PRKD1: variants seen among roughly 807,000 people sequenced by gnomAD.
The protein encoded by PRKD1 is serine/threonine-protein kinase D1.
PRKD1 carries 63 observed loss-of-function variants against 95.9 expected under a neutral mutation model. The ratio of observed to expected loss-of-function variants is 0.66; its 90% confidence interval spans 0.54 to 0.81. The LOEUF is 0.81. Ranked by LOEUF, PRKD1 falls within the 30% of genes least tolerant of loss-of-function variation. The pLI, the probability that PRKD1 is intolerant of heterozygous loss-of-function variation, is 0.00. For synonymous variants in PRKD1, 425 were observed against 423.1 expected (o/e 1.00, Z -0.05); for missense variants, 1,048 against 1,165.3 (o/e 0.90, Z 1.47).
rs149503484 is a variant in PRKD1 at position 29,780,695 on chromosome 14, T to G, written c.265-55021A>C. Among the ~76,000 whole-genome samples, 4 of 152,340 alleles carry G rather than the reference T, an allele frequency of 2.6e-5. No individual in the cohort carries two copies. In the East Asian group the frequency reaches 7.7e-4, roughly 29 times the overall value. On this transcript the variant is annotated intron_variant, in intron 1 of 17. Transcript: ENST00000331968. ...AACACTTTTACATTGTTGGTGGGAC[T>G]GTAAACTAGTTCAACCATCGTGGAA...
chr14:29,823,618 A>G (rs1364155245), intron 1 of PRKD1, among the ~76,000 whole-genome samples: 2 of 152,188 alleles, frequency 1.3e-5, no homozygotes, highest in Admixed American at 6.5e-5. Flanking sequence ...CACTGTCCTC[A>G]TTATACAACC....
At chr14:29,727,940 C>T (rs981376904) in intron 1 of PRKD1, among the ~76,000 whole-genome samples, 1 of 150,606 alleles carries the variant, frequency 6.6e-6, no homozygotes, top group Non-Finnish European at 1.5e-5. Flanking sequence ...TATTCTCACT[C>T]ATAGGTGGGA....
chr14:29,652,950 A>G (rs754335763), intron 4 of PRKD1: 3 of 152,238 alleles, frequency 2.0e-5, no homozygotes, highest in Non-Finnish European at 4.4e-5. Context: ...TCAGGATCAT[A>G]TCTAATTATA....
chr14:29,660,473 T>C (rs918131803), intron 4 of PRKD1, among the ~76,000 whole-genome samples: 1 of 152,210 alleles, frequency 6.6e-6, no homozygotes, highest in Middle Eastern at 3.2e-3. Flanking sequence ...GATTGGTCAC[T>C]CAAATCCAAT....
intron 1 of PRKD1, among the ~76,000 whole-genome samples, chr14:29,885,285 C>A (rs552142416): frequency 2.6e-5 from 4 of 152,174 alleles, no homozygotes; most frequent in African/African-American, 7.2e-5. Flanking sequence ...AAGCTCTATT[C>A]CTTGGTCCTG....
chr14:29,616,477 T>A (rs1878871690), intron 13 of PRKD1, among the ~76,000 whole-genome samples: 1 of 151,646 alleles, frequency 6.6e-6, no homozygotes, highest in African/African-American at 2.4e-5. Flanking sequence ...AGGGTCTCAC[T>A]CTGTTGCACA....
chr14:29,788,718 A>G (rs563563256), intron 1 of PRKD1, among the ~76,000 whole-genome samples: 76 of 151,914 alleles, frequency 5.0e-4, no homozygotes, highest in Non-Finnish European at 8.8e-4. Flanking sequence ...CTATATTTTT[A>G]TTCTCCTCTT....
At chr14:29,611,639 A>G (rs1878473498) in intron 13 of PRKD1, among the ~76,000 whole-genome samples, 1 of 152,044 alleles carries the variant, frequency 6.6e-6, no homozygotes. Flanking sequence ...ATTTCTAAAA[A>G]ATCAGTGTTA....
chr14:29,614,915 T>C (rs958087427), intron 13 of PRKD1, among the ~76,000 whole-genome samples: 5 of 145,506 alleles, frequency 3.4e-5, no homozygotes, highest in Admixed American at 7.1e-5. Flanking sequence ...TTTCGCCATG[T>C]TGCCCAGGCT....
chr14:29,624,333 G>T (rs1460614438), intron 12 of PRKD1, 75 bp from the exon 13 acceptor site: 1 of 986,082 alleles, frequency 1.0e-6, no homozygotes. Context: ...AATTTGCAAG[G>T]ACATTTAAAG....
intron 1 of PRKD1, among the ~76,000 whole-genome samples, chr14:29,814,276 G>A (rs771613452): frequency 2.0e-5 from 3 of 152,188 alleles, no homozygotes; most frequent in Non-Finnish European, 4.4e-5. Context: ...GTCAGGTGTA[G>A]GTATGGCAAC....
chr14:29,631,293 T>C (rs1879991336), intron 9 of PRKD1, among the ~76,000 whole-genome samples: 1 of 152,186 alleles, frequency 6.6e-6, no homozygotes, highest in African/African-American at 2.4e-5. Context: ...TGATTTTGAA[T>C]CTTCACCAAA....
At chr14:29,905,159 G>A (rs982985955) in intron 1 of PRKD1, among the ~76,000 whole-genome samples, 2 of 152,150 alleles carry the variant, frequency 1.3e-5, no homozygotes, top group East Asian at 3.9e-4. Flanking sequence ...AGAAGGGTTT[G>A]GCGCTCAACC....
intron 7 of PRKD1, 25 bp from the exon 8 acceptor site, chr14:29,634,566 G>GA (rs767587451): frequency 1.2e-6 from 2 of 1,612,094 alleles, no homozygotes; most frequent in African/African-American, 1.3e-5. Flanking sequence ...ATATTGTAGG[G>GA]AAAAAATGTT....
chr14:29,639,447 C>T (rs1282498066), intron 4 of PRKD1, among the ~76,000 whole-genome samples: 1 of 151,882 alleles, frequency 6.6e-6, no homozygotes, highest in Non-Finnish European at 1.5e-5. Flanking sequence ...TGGTGAAACC[C>T]GTCTCTACTA....
At chr14:29,823,525 T>TA (rs1890998526) in intron 1 of PRKD1, among the ~76,000 whole-genome samples, 1 of 152,192 alleles carries the variant, frequency 6.6e-6, no homozygotes, top group Admixed American at 6.6e-5. Context: ...TTGATAGCTC[T>TA]AAATGACAGA....
At chr14:29,582,371 T>C (rs1422483093) in intron 16 of PRKD1, among the ~76,000 whole-genome samples, 2 of 151,316 alleles carry the variant, frequency 1.3e-5, no homozygotes, top group African/African-American at 4.9e-5. Flanking sequence ...TTATCGAGCT[T>C]CTTGTTGAAT....
chr14:29,637,166 G>A (rs1264274752), intron 6 of PRKD1, among the ~76,000 whole-genome samples: 1 of 151,930 alleles, frequency 6.6e-6, no homozygotes, highest in East Asian at 1.9e-4. Context: ...CAGCCCTGGT[G>A]GGAAAAAAAA....
chr14:29,615,386 T>A (rs1878783662), intron 13 of PRKD1, among the ~76,000 whole-genome samples: 1 of 152,220 alleles, frequency 6.6e-6, no homozygotes, highest in Admixed American at 6.5e-5. Context: ...CAGAATTCTT[T>A]TTGAGTTCAA....
Sources: gnomAD v4.1 joint callset for allele counts (sites outside exome capture counted in the v4.1 genomes callset) on GRCh38, gnomAD v4.1.1 for gene constraint, MANE v1.5 for transcripts, NCBI Gene and HGNC (gene_info 2026-07-23, HGNC 2026-07-21) for gene names.